CHST9: variants seen among roughly 807,000 people sequenced by gnomAD.
CHST9 encodes carbohydrate sulfotransferase 9.
Under a neutral mutation model 44.4 loss-of-function variants are expected in CHST9, and 41 were observed. The ratio of observed to expected loss-of-function variants is 0.92; its 90% confidence interval spans 0.72 to 1.20. The LOEUF is 1.20. Among genes scored for constraint, CHST9 ranks in the 50% most tolerant of loss-of-function variants. The pLI is 0.00. For missense variants in CHST9, 504 were observed against 516.5 expected, an observed-to-expected ratio of 0.98 and a Z score of 0.23; for synonymous variants, 171 against 178.4, an observed-to-expected ratio of 0.96 and a Z score of 0.33.
chr18:27,011,243 TA>T (rs1357079339), intron 4 of CHST9, among the ~76,000 whole-genome samples: 1 of 152,196 alleles, frequency 6.6e-6, no homozygotes, highest in Non-Finnish European at 1.5e-5. Context: ...ATTTCTATAA[TA>T]AAACACCACT....
intron 4 of CHST9, among the ~76,000 whole-genome samples, chr18:26,996,108 A>C (rs2056885246): frequency 6.6e-6 from 1 of 152,186 alleles, no homozygotes. Flanking sequence ...TTTGTTTCTC[A>C]TGGTGCTCAG....
At chr18:26,999,396 GT>G (rs1217428528) in intron 4 of CHST9, among the ~76,000 whole-genome samples, 2 of 152,170 alleles carry the variant, frequency 1.3e-5, no homozygotes, top group African/African-American at 4.8e-5. Context: ...CTGGAAGGAT[GT>G]AGTCCATAAT....
chr18:26,995,934 A>G (rs1357433378), intron 4 of CHST9, among the ~76,000 whole-genome samples: 1 of 152,246 alleles, frequency 6.6e-6, no homozygotes. Context: ...CTCTTAAGAG[A>G]GAGCTAAAAG....
At chr18:26,957,054 G>A (rs1218069067) in intron 4 of CHST9, among the ~76,000 whole-genome samples, 1 of 152,202 alleles carries the variant, frequency 6.6e-6, no homozygotes, top group African/African-American at 2.4e-5. Context: ...CCCAGCGGGG[G>A]AAATTGGCTG....
At chr18:27,123,549 G>GA (rs921921721) in intron 2 of CHST9, among the ~76,000 whole-genome samples, 3 of 151,776 alleles carry the variant, frequency 2.0e-5, no homozygotes, top group Non-Finnish European at 2.9e-5. Flanking sequence ...TACAGGAGCA[G>GA]AAAAAAAAGA....
chr18:27,184,962 G>C (rs1567953661), intron 1 of CHST9, among the ~76,000 whole-genome samples, 174 bp downstream of exon 1: 1 of 152,096 alleles, frequency 6.6e-6, no homozygotes, highest in Non-Finnish European at 1.5e-5. Flanking sequence ...TGGAGGTAGG[G>C]GAGATAGAAA....
rs1260980195 is a variant in CHST9 at position 26,916,046 on chromosome 18, T to G, written c.*213A>C. 5.8e-5 allele frequency: 25 copies of G among 432,126 alleles called. No individual in the cohort carries two copies. Among genetic ancestry groups the G allele is most frequent in the Non-Finnish European group, 1.0e-4 (24 of 239,668 alleles). 26.8% of individuals were successfully genotyped at this position (432,126 alleles called of 1,614,324 possible). A position where few individuals can be genotyped will look rare whatever the true frequency, so the allele number is the denominator to read the frequency against. ...TGCAAAAGCAGCTCTTTTCCAAACATTTTAGAGCAACTCAAGTTGTTTACA... is the reference window on the plus strand; with the variant it reads ...TGCAAAAGCAGCTCTTTTCCAAACAGTTTAGAGCAACTCAAGTTGTTTACA... On this transcript the variant is annotated 3_prime_UTR_variant, in exon 6 of 6. Coordinates refer to ENST00000618847, the MANE Select transcript of CHST9 (RefSeq NM_031422.6).
In CHST9 at chr18:27,073,521, G is replaced by A. The variant is rs560160655; in HGVS notation, c.122-25018C>T. ...CACACTGAGGTGACATCAGCAGCAAGTATATAGTCAGGAATGGGTAAACCT... is the reference window on the plus strand; with the variant it reads ...CACACTGAGGTGACATCAGCAGCAAATATATAGTCAGGAATGGGTAAACCT... On this transcript the variant is annotated intron_variant, in intron 2 of 5. Coordinates refer to ENST00000618847, the MANE Select transcript of CHST9 (RefSeq NM_031422.6). Among the ~76,000 whole-genome samples the A allele has an allele frequency of 1.4e-4, 21 of 152,170 alleles. 2 individuals carry two copies. Among genetic ancestry groups the A allele is most frequent in the Admixed American group, 9.8e-4 (15 of 15,276 alleles).
chr18:27,077,544 A>G (rs1200691725), intron 2 of CHST9, among the ~76,000 whole-genome samples: 3 of 152,132 alleles, frequency 2.0e-5, no homozygotes, highest in Admixed American at 1.3e-4. Context: ...CTGTTTCCTA[A>G]TAGAGAAATA....
intron 2 of CHST9, among the ~76,000 whole-genome samples, chr18:27,142,030 G>A (rs1037980402): frequency 5.3e-5 from 8 of 152,200 alleles, no homozygotes; most frequent in Non-Finnish European, 7.3e-5. Flanking sequence ...GAGCACAGCA[G>A]GGATCAGTAA....
At chr18:27,122,488 A>T (rs537709833) in intron 2 of CHST9, among the ~76,000 whole-genome samples, 46 of 152,346 alleles carry the variant, frequency 3.0e-4, no homozygotes, top group African/African-American at 1.1e-3. Context: ...CAACAAAAAA[A>T]GTTGAAGGAA....
chr18:26,992,869 T>C (rs1347528552), intron 4 of CHST9, among the ~76,000 whole-genome samples: 1 of 152,198 alleles, frequency 6.6e-6, no homozygotes, highest in Non-Finnish European at 1.5e-5. Context: ...AGTGGGCATT[T>C]TTACCTATAT....
In CHST9 at chr18:27,099,799, T is replaced by A. The variant is rs116177137; in HGVS notation, c.121+42890A>T. ...TGGGAAGGTAAATTAGTTCAGCCAC[T>A]GTGGAAAGCTAATTCCTTTAATTTC... On this transcript the variant is annotated intron_variant, in intron 2 of 5. Transcript: ENST00000618847. 2.6e-3 allele frequency among the ~76,000 whole-genome samples: 403 copies of A among 152,226 alleles called. 2 individuals are homozygous for A. The highest frequency in any genetic ancestry group is 8.5e-3 in the African/African-American group (353 of 41,554).
In CHST9 at chr18:27,028,489, T is replaced by C. The variant is rs115773461; in HGVS notation, c.161-4332A>G. ...GCTGTGAACATCAGTCGATAGGATA[T>C]AATGAGAGAACGGACAGAGTTGCTT... On this transcript the variant is annotated intron_variant, in intron 3 of 5. Coordinates refer to ENST00000618847, the MANE Select transcript of CHST9 (RefSeq NM_031422.6). Among the ~76,000 whole-genome samples, 1,410 of 152,082 alleles carry C rather than the reference T, an allele frequency of 9.3e-3. 20 individuals are homozygous for C. Among genetic ancestry groups the C allele is most frequent in the African/African-American group, 0.033 (1,349 of 41,478 alleles).
chr18:27,102,277 G>C (rs193270671), intron 2 of CHST9, among the ~76,000 whole-genome samples: 1 of 152,186 alleles, frequency 6.6e-6, no homozygotes, highest in Non-Finnish European at 1.5e-5. Flanking sequence ...TAGGGTAAAT[G>C]TAAGTAAGCA....
intron 4 of CHST9, among the ~76,000 whole-genome samples, chr18:27,020,590 C>A (rs1164162561): frequency 6.6e-6 from 1 of 152,192 alleles, no homozygotes. Context: ...CTCCAAAGAT[C>A]TTGACTAGGA....
chr18:26,998,739 C>CAAAA (rs11480705), intron 4 of CHST9, among the ~76,000 whole-genome samples: 16 of 114,004 alleles, frequency 1.4e-4, no homozygotes, highest in Admixed American at 4.5e-4. Context: ...ACAACAACAA[C>CAAAA]AAAAAAAAAA....
chr18:27,142,432 T>A (rs1234519042), intron 2 of CHST9, among the ~76,000 whole-genome samples: 4 of 152,184 alleles, frequency 2.6e-5, no homozygotes, highest in Non-Finnish European at 5.9e-5. Flanking sequence ...CTACAAGCAG[T>A]TCTTGCTGGA....
chr18:26,966,956 T>A (rs920860431), intron 4 of CHST9, among the ~76,000 whole-genome samples: 1 of 151,600 alleles, frequency 6.6e-6, no homozygotes, highest in Non-Finnish European at 1.5e-5. Context: ...AATGTTCCAG[T>A]TGGTAGATAT....
Sources: gnomAD v4.1 joint callset for allele counts (sites outside exome capture counted in the v4.1 genomes callset) on GRCh38, gnomAD v4.1.1 for gene constraint, MANE v1.5 for transcripts, NCBI Gene and HGNC (gene_info 2026-07-23, HGNC 2026-07-21) for gene names.